The following NEBL variants were observed in gnomAD, a reference collection of about 807,000 sequenced individuals.
The protein encoded by NEBL is nebulette, also known as LIM and SH3 protein 2.
Under a neutral mutation model 140.2 loss-of-function variants are expected in NEBL, and 122 were observed. The observed-to-expected ratio is 0.87, with a 90% CI of 0.75 to 1.01. The LOEUF is 1.01. NEBL is among the 50% of genes least tolerant of loss of function. The pLI is 0.00. For missense variants in NEBL, 1,365 were observed against 1,231.3 expected, an observed-to-expected ratio of 1.11 and a Z score of -1.62; for synonymous variants, 436 against 398.9, an observed-to-expected ratio of 1.09 and a Z score of -1.11.
rs74229943 is a variant in NEBL at position 20,896,392 on chromosome 10, C to T, written c.153+566G>A. The stretch of plus-strand genomic sequence containing the variant: ...CTAAAAAATGTCACAACAAAAATAC[C>T]CCTTGCACTAATATCCTTGCACTAA... On this transcript the variant is annotated intron_variant, in intron 2 of 27. Transcript: ENST00000377122. Among the ~76,000 whole-genome samples the T allele has an allele frequency of 2.4e-3, 354 of 149,260 alleles. 11 individuals are homozygous for T. In the East Asian group the frequency reaches 0.053, roughly 22 times the overall value.
At chr10:21,031,795 C>T (rs886778135) in intron 2 of NEBL, among the ~76,000 whole-genome samples, 2 of 152,168 alleles carry the variant, frequency 1.3e-5, no homozygotes, top group African/African-American at 2.4e-5. Context: ...CTCCTTCACT[C>T]ACTTCTTCCA....
chr10:21,086,702 G>C (rs939694767), intron 2 of NEBL, among the ~76,000 whole-genome samples: 3 of 152,178 alleles, frequency 2.0e-5, no homozygotes, highest in African/African-American at 4.8e-5. Flanking sequence ...AGTTAAGCCA[G>C]GGAGGTGGAG....
upstream of NEBL, among the ~76,000 whole-genome samples, chr10:20,900,942 C>T (rs1406599713): frequency 6.7e-6 from 1 of 149,228 alleles, no homozygotes; most frequent in Non-Finnish European, 1.5e-5. Context: ...TCACTTGACC[C>T]GGGAGGCGGA....
intron 3 of NEBL, among the ~76,000 whole-genome samples, chr10:20,967,920 A>G (rs1836397107): frequency 6.6e-6 from 1 of 152,256 alleles, no homozygotes; most frequent in Non-Finnish European, 1.5e-5. Flanking sequence ...GTCCTGATGC[A>G]GAAACTGAGG....
Position 20,974,134 on chromosome 10 carries a change from T to G in NEBL, c.250-12355A>C, listed in dbSNP as rs528700961. Among the ~76,000 whole-genome samples, 5 of 152,250 alleles carry G rather than the reference T, an allele frequency of 3.3e-5. No individual in the cohort carries two copies. In the South Asian group the frequency reaches 1.0e-3, roughly 32 times the overall value. ...GCATTGCCATCTGTGAATAGTAGAGTCAGGATTCAAACCCAGATCTGCTGT... is the reference window on the plus strand; with the variant it reads ...GCATTGCCATCTGTGAATAGTAGAGGCAGGATTCAAACCCAGATCTGCTGT... On this transcript the variant is annotated intron_variant, in intron 3 of 6. Coordinates refer to the NEBL transcript ENST00000417816.
chr10:21,234,461 T>G (rs910832015), intron 3 of NEBL, among the ~76,000 whole-genome samples: 3 of 152,178 alleles, frequency 2.0e-5, no homozygotes, highest in Non-Finnish European at 4.4e-5. Flanking sequence ...AAGCTCCCTG[T>G]GGTCTCACCA....
At chr10:21,266,806 C>T (rs1039182045) in intron 1 of NEBL, among the ~76,000 whole-genome samples, 1 of 152,162 alleles carries the variant, frequency 6.6e-6, no homozygotes, top group African/African-American at 2.4e-5. Context: ...GAGACAGAGT[C>T]TCACTGTGTC....
chr10:20,841,873 C>A (rs998330975), intron 12 of NEBL, among the ~76,000 whole-genome samples: 6 of 151,948 alleles, frequency 3.9e-5, no homozygotes, highest in African/African-American at 1.4e-4. Context: ...AAAACATTTT[C>A]TACACATTAA....
chr10:21,266,521 C>T (rs1464535145), intron 1 of NEBL, among the ~76,000 whole-genome samples: 4 of 152,200 alleles, frequency 2.6e-5, no homozygotes, highest in Non-Finnish European at 5.9e-5. Context: ...AGATGCTGCT[C>T]AAGGCAGGCC....
At chr10:21,096,302 T>C (rs1837181604) in intron 2 of NEBL, among the ~76,000 whole-genome samples, 1 of 152,178 alleles carries the variant, frequency 6.6e-6, no homozygotes, top group African/African-American at 2.4e-5. Flanking sequence ...CTAATTCCCC[T>C]TGTTGGATAT....
intron 2 of NEBL, among the ~76,000 whole-genome samples, chr10:21,065,714 A>G (rs1036162346): frequency 3.9e-5 from 6 of 152,090 alleles, no homozygotes; most frequent in African/African-American, 1.4e-4. Flanking sequence ...CTGCCACTCT[A>G]TATTAGTCTT....
chr10:20,882,640 C>A (rs1403635413), intron 4 of NEBL, among the ~76,000 whole-genome samples: 6 of 151,854 alleles, frequency 4.0e-5, no homozygotes, highest in Non-Finnish European at 7.4e-5. Flanking sequence ...CTTTTATAAA[C>A]AGTATTAACC....
At chr10:20,878,939 T>A (rs45518036) in intron 5 of NEBL, among the ~76,000 whole-genome samples, 28 of 152,152 alleles carry the variant, frequency 1.8e-4, no homozygotes, top group Non-Finnish European at 2.9e-4. Context: ...CATTGAATTA[T>A]AGAGTTGGAA....
chr10:20,974,357 G>A (rs771545752), intron 3 of NEBL, among the ~76,000 whole-genome samples: 3 of 150,800 alleles, frequency 2.0e-5, no homozygotes, highest in Non-Finnish European at 2.9e-5. Flanking sequence ...GGGCTCAAGC[G>A]ATCCTCCCAT....
chr10:21,280,426 G>C (rs888808018), intron 1 of NEBL, among the ~76,000 whole-genome samples: 3 of 152,054 alleles, frequency 2.0e-5, no homozygotes, highest in Non-Finnish European at 4.4e-5. Context: ...GCAATGAATG[G>C]GGAGAAAGAT....
intron 4 of NEBL, among the ~76,000 whole-genome samples, chr10:20,928,186 G>A (rs990987662): frequency 2.6e-5 from 4 of 152,194 alleles, no homozygotes; most frequent in African/African-American, 9.6e-5. Context: ...ACTTGGTACA[G>A]TTGAAAAAGT....
intron 4 of NEBL, among the ~76,000 whole-genome samples, chr10:20,917,072 T>G (rs1833335151): frequency 6.6e-6 from 1 of 152,240 alleles, no homozygotes; most frequent in African/African-American, 2.4e-5. Context: ...CATTAAATTA[T>G]AACCCTCCTG....
chr10:21,221,590 T>C (rs1179136936), intron 3 of NEBL, among the ~76,000 whole-genome samples: 2 of 152,010 alleles, frequency 1.3e-5, no homozygotes, highest in African/African-American at 4.8e-5. Context: ...CTGCAAGCTC[T>C]ACCTCCCAGG....
intron 2 of NEBL, among the ~76,000 whole-genome samples, chr10:21,034,063 G>C (rs1371634217): frequency 6.6e-6 from 1 of 150,486 alleles, no homozygotes; most frequent in Admixed American, 6.6e-5. Context: ...GCTACTAGGG[G>C]GGCTGAGGTG....
Sources: allele counts gnomAD v4.1 joint callset (sites outside exome capture counted in the v4.1 genomes callset), GRCh38; gene constraint gnomAD v4.1.1; transcripts MANE v1.5; gene names NCBI Gene and HGNC (gene_info 2026-07-23, HGNC 2026-07-21).